The following TRPM7 variants were observed in gnomAD, a reference collection of about 807,000 sequenced individuals.
The protein encoded by TRPM7 is transient receptor potential cation channel subfamily M member 7.
A neutral mutation model predicts 229.7 loss-of-function variants in TRPM7; 134 were observed. The ratio of observed to expected loss-of-function variants is 0.58; its 90% CI spans 0.51 to 0.67. The LOEUF (loss-of-function observed/expected upper bound fraction) is 0.67, where lower values mean the gene tolerates loss of function less well. Ranked by LOEUF, TRPM7 falls within the 30% of genes least tolerant of loss-of-function variation. The pLI is 0.00. For synonymous variants in TRPM7, 699 were observed against 715.2 expected (o/e 0.98, Z 0.36); for missense variants, 1,901 against 2,210.0 (o/e 0.86, Z 2.80).
At chr15:50,623,650 A>G (rs1231664537) in intron 12 of TRPM7, among the ~76,000 whole-genome samples, 1 of 152,122 alleles carries the variant, frequency 6.6e-6, no homozygotes, top group Non-Finnish European at 1.5e-5. Flanking sequence ...TATATCTTCA[A>G]TGCTAATACA....
In TRPM7 at chr15:50,561,777, T is replaced by C. The variant is rs2053321568; in HGVS notation, c.5499A>G (p.Lys1833=). The change falls in exon 39 of 39, where the codon AAA becomes AAG. Residue 1833 remains lysine, a synonymous_variant. Coordinates refer to ENST00000646667, the MANE Select transcript of TRPM7 (RefSeq NM_017672.6). ...AAGGCTCATCCTGAGGAAATATAATTTTATCAGGCGTATAATCATTCCTCT... is the reference window on the plus strand; with the variant it reads ...AAGGCTCATCCTGAGGAAATATAATCTTATCAGGCGTATAATCATTCCTCT... ...DLKRNDYTPD[K]IIFPQDEPSD... 1 of 1,612,614 alleles carries C rather than the reference T, an allele frequency of 6.2e-7. No homozygotes were observed. Among genetic ancestry groups the C allele is most frequent in the African/African-American group, 1.3e-5 (1 of 74,734 alleles).
intron 5 of TRPM7, among the ~76,000 whole-genome samples, chr15:50,641,859 G>A (rs764991929): frequency 1.2e-4 from 19 of 152,042 alleles, no homozygotes; most frequent in South Asian, 2.1e-4. Flanking sequence ...ACTTAGCCAC[G>A]TGTGGTGACG....
At chr15:50,654,599 A>G (rs1596314042) in intron 3 of TRPM7, among the ~76,000 whole-genome samples, 1 of 151,606 alleles carries the variant, frequency 6.6e-6, no homozygotes, top group African/African-American at 2.4e-5. Context: ...AGGAATAGAC[A>G]GTCATAATGA....
intron 1 of TRPM7, among the ~76,000 whole-genome samples, chr15:50,674,717 C>A (rs897410438): frequency 1.3e-5 from 2 of 152,170 alleles, no homozygotes; most frequent in Admixed American, 6.6e-5. Flanking sequence ...TCTTGTAACA[C>A]AGGTCTAGTC....
At position 50,568,812 on chromosome 15, in the gene TRPM7, A is replaced by C. The variant is rs1270951525; in HGVS notation, c.5467+1075T>G. Among the ~76,000 whole-genome samples the C allele has an allele frequency of 4.8e-5, 7 of 146,142 alleles. No homozygotes were observed. The East Asian group carries it at 1.4e-3, about 29-fold the overall frequency. ...TGACATGGCAAAACCCCATCTCTAC[A>C]AAAAAAAAACCAAAACAACAATTAG... On this transcript the variant is annotated intron_variant, in intron 38 of 38. Transcript: ENST00000646667.
chr15:50,682,493 T>C (rs2140988791), intron 1 of TRPM7, among the ~76,000 whole-genome samples: 1 of 151,854 alleles, frequency 6.6e-6, no homozygotes, highest in East Asian at 1.9e-4. Flanking sequence ...GGAGAATCAC[T>C]TGAATCCAGG....
At chr15:50,617,789 T>G (rs1241062511) in intron 13 of TRPM7, among the ~76,000 whole-genome samples, 2 of 151,750 alleles carry the variant, frequency 1.3e-5, no homozygotes, top group Non-Finnish European at 2.9e-5. Context: ...CACCAATCAT[T>G]TGGACTACAG....
intron 21 of TRPM7, among the ~76,000 whole-genome samples, chr15:50,603,256 G>A (rs1371166095): frequency 3.3e-5 from 5 of 152,008 alleles, no homozygotes; most frequent in East Asian, 1.9e-4. Context: ...TTCAAGATGC[G>A]AAGATAATCT....
intron 11 of TRPM7, among the ~76,000 whole-genome samples, chr15:50,626,149 A>G (rs1312230880): frequency 6.6e-6 from 1 of 152,190 alleles, no homozygotes; most frequent in Non-Finnish European, 1.5e-5. Flanking sequence ...AACTGCAGGC[A>G]TCTGACTTAT....
chr15:50,591,862 G>A lies in TRPM7; in HGVS notation c.4324+49C>T, dbSNP rs181423664. 1.6e-3 allele frequency: 2,066 copies of A among 1,272,044 alleles called. 8 individuals carry two copies. Among genetic ancestry groups the A allele is most frequent in the Non-Finnish European group, 1.8e-3 (1,684 of 921,956 alleles). 78.8% of individuals were successfully genotyped at this position (1,272,044 alleles called of 1,614,324 possible). On this transcript the variant is annotated intron_variant, in intron 26 of 38. Coordinates refer to ENST00000646667, the MANE Select transcript of TRPM7 (RefSeq NM_017672.6). ...AGTACATATTTCTATTATTTCTAAG[G>A]TGAAAAGTAAATAATATTGATATAC...
At chr15:50,598,526 C>T (rs761043959) in intron 22 of TRPM7, among the ~76,000 whole-genome samples, 1 of 152,150 alleles carries the variant, frequency 6.6e-6, no homozygotes, top group African/African-American at 2.4e-5. Context: ...TTGTAATTAA[C>T]GTTGTGCTTG....
intron 3 of TRPM7, 32 bp downstream of exon 3, chr15:50,657,749 A>C: frequency 6.3e-7 from 1 of 1,598,190 alleles, no homozygotes; most frequent in Non-Finnish European, 8.5e-7. Context: ...TTATTTTCCG[A>C]AATTTGTGCG....
chr15:50,605,324 C>T (rs534528466), intron 20 of TRPM7, among the ~76,000 whole-genome samples, 180 bp from the exon 21 acceptor site: 3 of 152,298 alleles, frequency 2.0e-5, no homozygotes, highest in Admixed American at 6.5e-5. Flanking sequence ...AATCTCGGCT[C>T]ACTGCAACCT....
intron 36 of TRPM7, among the ~76,000 whole-genome samples, chr15:50,570,873 A>G (rs1025481022): frequency 2.0e-5 from 3 of 151,792 alleles, no homozygotes; most frequent in African/African-American, 7.3e-5. Context: ...ACAAAAACAA[A>G]AACAAAAAAC....
At chr15:50,678,748 G>C (rs1202581967) in intron 1 of TRPM7, among the ~76,000 whole-genome samples, 1 of 152,028 alleles carries the variant, frequency 6.6e-6, no homozygotes, top group East Asian at 1.9e-4. Context: ...AAAAACTTAA[G>C]GCCAGGTGCA....
At chr15:50,639,781 G>A (rs986913519) in intron 5 of TRPM7, among the ~76,000 whole-genome samples, 1 of 145,646 alleles carries the variant, frequency 6.9e-6, no homozygotes, top group Non-Finnish European at 1.5e-5. Context: ...TTGAACTCTT[G>A]GGCTCATGCC....
At chr15:50,586,565 G>A in intron 27 of TRPM7, 77 bp from the exon 28 acceptor site, 2 of 899,456 alleles carry the variant, frequency 2.2e-6, no homozygotes. Context: ...TAGTATTAGA[G>A]TCCCTTGATC....
At chr15:50,620,178 A>G (rs1200804185) in intron 12 of TRPM7, among the ~76,000 whole-genome samples, 1 of 152,194 alleles carries the variant, frequency 6.6e-6, no homozygotes, top group African/African-American at 2.4e-5. Context: ...ATTTTGGGTA[A>G]CAAGACTTTA....
intron 1 of TRPM7, among the ~76,000 whole-genome samples, chr15:50,682,883 G>C (rs77541833): frequency 0.016 from 2,389 of 150,614 alleles, 68 homozygotes; most frequent in African/African-American, 0.056. Context: ...ACTGAATTTT[G>C]CTTCCCGGTA....
Sources: gnomAD v4.1 joint callset for allele counts (sites outside exome capture counted in the v4.1 genomes callset) on GRCh38, gnomAD v4.1.1 for gene constraint, MANE v1.5 for transcripts, NCBI Gene and HGNC (gene_info 2026-07-23, HGNC 2026-07-21) for gene names.